The following CCR5AS variants were observed in gnomAD, a reference collection of about 807,000 sequenced individuals.
CCR5AS encodes CCR5 antisense RNA.
intron 2 of CCR5AS, among the ~76,000 whole-genome samples, chr3:46,383,757 T>C (rs1701834018): frequency 6.6e-6 from 1 of 152,130 alleles, no homozygotes; most frequent in East Asian, 1.9e-4. Flanking sequence ...AAGGGGGTTC[T>C]TACTTCCCCT....
intron 2 of CCR5AS, among the ~76,000 whole-genome samples, chr3:46,388,510 G>A (rs999169042): frequency 2.0e-5 from 3 of 152,126 alleles, no homozygotes; most frequent in African/African-American, 2.4e-5. Context: ...GCCCAAGGGG[G>A]TTCAGCATAA....
Position 46,391,659 on chromosome 3 carries a change from A to G in CCR5AS, n.391+1166T>C, listed in dbSNP as rs542214967. ...TAACCTTGACTATGCCTTTAGCTCT[A>G]GCCACCTCTCTAAGAGGAAATTGTT... On this transcript the variant is annotated intron_variant and non_coding_transcript_variant, in intron 2 of 3. Coordinates refer to ENST00000451485, the Ensembl canonical transcript of CCR5AS. Among the ~76,000 whole-genome samples, 3 of 152,308 alleles carry G rather than the reference A, an allele frequency of 2.0e-5. No individual in the cohort carries two copies. The South Asian group carries it at 6.2e-4, about 32-fold the overall frequency.
intron 3 of CCR5AS, among the ~76,000 whole-genome samples, chr3:46,369,897 G>A (rs938623106): frequency 2.0e-5 from 3 of 152,108 alleles, no homozygotes; most frequent in African/African-American, 4.8e-5. Context: ...GCTGTTTGGG[G>A]TCTCATTTGC....
intron 1 of CCR5AS, among the ~76,000 whole-genome samples, chr3:46,394,417 C>A (rs765305468): frequency 6.6e-6 from 1 of 152,144 alleles, no homozygotes; most frequent in Non-Finnish European, 1.5e-5. Flanking sequence ...CTTAGCATGG[C>A]CACAGGAGAG....
chr3:46,375,167 G>C (rs1429141573), intron 2 of CCR5AS: 1 of 167,044 alleles, frequency 6.0e-6, no homozygotes, highest in Non-Finnish European at 1.5e-5. Context: ...ACTCCAGGCT[G>C]TCTTTCACTG....
rs1260537353 is a variant in CCR5AS, at chr3:46,373,340, G to A, written n.392-1923C>T. ...AAGCCAGGACGGTCACCTTTGGGGTGGTGACAAGTGTGATCACTTGGGTGG... is the reference window on the plus strand; with the variant it reads ...AAGCCAGGACGGTCACCTTTGGGGTAGTGACAAGTGTGATCACTTGGGTGG... On this transcript the variant is annotated intron_variant and non_coding_transcript_variant, in intron 2 of 3. Transcript: ENST00000451485. 3.1e-6 allele frequency: 5 copies of A among 1,614,148 alleles called. 1 individual carries two copies. In the Admixed American group the frequency reaches 8.3e-5, roughly 27 times the overall value.
At chr3:46,389,704 G>A (rs997309624) in intron 2 of CCR5AS, among the ~76,000 whole-genome samples, 1 of 152,142 alleles carries the variant, frequency 6.6e-6, no homozygotes, top group Non-Finnish European at 1.5e-5. Flanking sequence ...AAGACTTATG[G>A]TCTATGGGAT....
At chr3:46,368,053 C>T (rs2106736212) in intron 3 of CCR5AS, among the ~76,000 whole-genome samples, 1 of 152,278 alleles carries the variant, frequency 6.6e-6, no homozygotes, top group East Asian at 1.9e-4. Context: ...GAATAATTAA[C>T]ATTCTCCCCA....
At chr3:46,371,059 C>G (rs527678371) in intron 3 of CCR5AS, 1 of 152,148 alleles carries the variant, frequency 6.6e-6, no homozygotes, top group Non-Finnish European at 1.5e-5. Context: ...ACAGGAAACC[C>G]ATAGAAGACA....
chr3:46,382,877 C>T (rs952111548), intron 2 of CCR5AS, among the ~76,000 whole-genome samples: 9 of 152,156 alleles, frequency 5.9e-5, no homozygotes, highest in African/African-American at 1.9e-4. Context: ...TGTTTCCAAG[C>T]CTCAGCTTTC....
intron 1 of CCR5AS, among the ~76,000 whole-genome samples, chr3:46,396,170 A>G (rs1463732904): frequency 6.6e-6 from 1 of 152,272 alleles, no homozygotes; most frequent in East Asian, 1.9e-4. Flanking sequence ...TTGTGTATTA[A>G]TTTTTACCTC....
chr3:46,372,003 G>T (rs1404438019), intron 2 of CCR5AS, among the ~76,000 whole-genome samples: 1 of 152,200 alleles, frequency 6.6e-6, no homozygotes, highest in East Asian at 1.9e-4. Context: ...CTTACTAGCT[G>T]TGTGGCTTTG....
At chr3:46,379,327 C>T (rs571333893) in intron 2 of CCR5AS, among the ~76,000 whole-genome samples, 2 of 152,004 alleles carry the variant, frequency 1.3e-5, no homozygotes, top group Admixed American at 6.5e-5. Flanking sequence ...CAATTTCATC[C>T]ATGTCCCTAC....
At chr3:46,386,224 A>G (rs1701861044) in intron 2 of CCR5AS, among the ~76,000 whole-genome samples, 1 of 151,932 alleles carries the variant, frequency 6.6e-6, no homozygotes. Flanking sequence ...CCACACTCCC[A>G]TTTCTTGAGT....
intron 2 of CCR5AS, among the ~76,000 whole-genome samples, chr3:46,382,250 A>G (rs956485676): frequency 1.3e-5 from 2 of 152,226 alleles, no homozygotes; most frequent in Admixed American, 1.3e-4. Flanking sequence ...CCTTCTGCAT[A>G]ATAAAAGATT....
At chr3:46,392,978 A>G (rs1286995496) in exon 2 of CCR5AS, 2 of 154,482 alleles carry the variant, frequency 1.3e-5, no homozygotes, top group Non-Finnish European at 2.9e-5. Context: ...ATGCGCATCC[A>G]TATGAAGAGA....
chr3:46,404,312 T>C (rs866977556), intron 1 of CCR5AS, among the ~76,000 whole-genome samples: 6 of 83,454 alleles, frequency 7.2e-5, no homozygotes, highest in African/African-American at 2.3e-4. Flanking sequence ...TCTCTCTCTC[T>C]CTCTCTCTCT....
chr3:46,369,169 G>T (rs1701630726), intron 3 of CCR5AS, among the ~76,000 whole-genome samples: 1 of 152,060 alleles, frequency 6.6e-6, no homozygotes, highest in Admixed American at 6.6e-5. Flanking sequence ...TCCACCACAG[G>T]CATATTGAGT....
At chr3:46,384,293 T>C (rs1342632150) in intron 2 of CCR5AS, among the ~76,000 whole-genome samples, 1 of 152,134 alleles carries the variant, frequency 6.6e-6, no homozygotes, top group Non-Finnish European at 1.5e-5. Flanking sequence ...GCAGACGGGG[T>C]CTATACCTGG....
Sources: allele counts gnomAD v4.1 joint callset (sites outside exome capture counted in the v4.1 genomes callset), GRCh38; gene constraint gnomAD v4.1.1; transcripts MANE v1.5; gene names NCBI Gene and HGNC (gene_info 2026-07-23, HGNC 2026-07-21).